Variants in PEX11A observed in about 807,000 individuals in gnomAD.
The protein encoded by PEX11A is peroxisomal biogenesis factor 11 alpha.
PEX11A carries 13 observed loss-of-function variants against 14.4 expected under a neutral mutation model. The ratio of observed to expected loss-of-function variants is 0.90; its 90% CI spans 0.59 to 1.43. The LOEUF (loss-of-function observed/expected upper bound fraction) is 1.43. Among genes scored for constraint, PEX11A ranks in the 40% most tolerant of loss-of-function variants. The pLI, the probability that PEX11A is intolerant of heterozygous loss-of-function variation, is 0.00. For missense variants in PEX11A, 290 were observed against 302.8 expected, an observed-to-expected ratio of 0.96 and a Z score of 0.31; for synonymous variants, 101 against 113.0, an observed-to-expected ratio of 0.89 and a Z score of 0.67.
intron 1 of PEX11A, among the ~76,000 whole-genome samples, chr15:89,686,788 A>G (rs981159466): frequency 1.3e-5 from 2 of 152,202 alleles, no homozygotes; most frequent in Admixed American, 6.5e-5. Flanking sequence ...AATGCAGCCA[A>G]TGTGCCTCCA....
Position 89,688,396 on chromosome 15 carries a change from T to C in PEX11A, c.57-1850A>G, listed in dbSNP as rs531161775. Among the ~76,000 whole-genome samples, 3 of 152,290 alleles carry C rather than the reference T, an allele frequency of 2.0e-5. No homozygotes were observed. In the East Asian group the frequency reaches 5.8e-4, roughly 29 times the overall value. On this transcript the variant is annotated intron_variant, in intron 1 of 2. Coordinates refer to ENST00000300056, the MANE Select transcript of PEX11A (RefSeq NM_003847.3). ...GGAATAAACATATCTTAAATTATTA[T>C]TATTATTATTTTTCGAGACAGAGTC... is the stretch of plus-strand genomic sequence containing the variant.
intron 1 of PEX11A, among the ~76,000 whole-genome samples, chr15:89,689,034 C>G (rs569176145): frequency 6.6e-6 from 1 of 152,050 alleles, no homozygotes; most frequent in Admixed American, 6.6e-5. Context: ...TTTTTTTAAC[C>G]AACTTCCTTG....
chr15:89,690,661 A>T lies in PEX11A; in HGVS notation c.-29T>A. On this transcript the variant is annotated 5_prime_UTR_variant, in exon 1 of 3. Transcript: ENST00000300056. ...TTCTAGCCCAAAGGCCACGAGTCGC[A>T]CGGGGCTCAGGCGTGGGTCCTCTGG... 2 of 1,541,052 alleles carry T rather than the reference A, an allele frequency of 1.3e-6. No homozygotes were observed. The highest frequency in any genetic ancestry group is 1.8e-6 in the Non-Finnish European group (2 of 1,138,348).
In PEX11A at chr15:89,690,669, C is replaced by A. The variant is rs1964820737; in HGVS notation, c.-37G>T. The A allele has an allele frequency of 1.3e-6, 2 of 1,510,230 alleles. No homozygotes were observed. Among genetic ancestry groups the A allele is most frequent in the African/African-American group, 1.4e-5 (1 of 72,212 alleles). 93.6% of individuals were successfully genotyped at this position (1,510,230 alleles called of 1,614,324 possible). A position where few individuals can be genotyped will look rare whatever the true frequency, so the allele number is the denominator to read the frequency against. ...CAAAGGCCACGAGTCGCACGGGGCT[C>A]AGGCGTGGGTCCTCTGGGGCCCGTC... On this transcript the variant is annotated 5_prime_UTR_variant, in exon 1 of 3. Coordinates refer to ENST00000300056, the MANE Select transcript of PEX11A (RefSeq NM_003847.3).
chr15:89,690,115 C>T (rs1467733621), intron 1 of PEX11A, among the ~76,000 whole-genome samples: 1 of 152,082 alleles, frequency 6.6e-6, no homozygotes, highest in Non-Finnish European at 1.5e-5. Context: ...CAGAGCGAGA[C>T]TCCGTCTCAA....
At chr15:89,684,394 C>A (rs1045438070) in intron 2 of PEX11A, among the ~76,000 whole-genome samples, 1 of 152,190 alleles carries the variant, frequency 6.6e-6, no homozygotes, top group Non-Finnish European at 1.5e-5. Flanking sequence ...CAGGCAAGGT[C>A]AATCATGAGT....
At chr15:89,685,005 CGTGGT>C (rs1567084729) in intron 2 of PEX11A, among the ~76,000 whole-genome samples, 1 of 151,826 alleles carries the variant, frequency 6.6e-6, no homozygotes, top group African/African-American at 2.4e-5. Context: ...GCCTGGCCAA[CGTGGT>C]GAAACCCCGT....
rs1567084129 is a variant in PEX11A, at chr15:89,683,679, G to GTT, written c.440_441dup (p.Arg148AsnfsTer42). ...TTCTTTGCCCTGTCACATGTAACTC[G>GTT]TTTCATCTGCAGGGAGATTTCATAC... is the stretch of plus-strand genomic sequence containing the variant. On this transcript the variant is annotated frameshift_variant, in exon 3 of 3. Transcript: ENST00000300056. LOFTEE classifies it high-confidence loss of function. 1 of 1,614,060 alleles carries GTT rather than the reference G, an allele frequency of 6.2e-7. No individual in the cohort carries two copies. Among genetic ancestry groups the GTT allele is most frequent in the Non-Finnish European group, 8.5e-7 (1 of 1,180,002 alleles).
At chr15:89,689,856 C>T (rs554872968) in intron 1 of PEX11A, among the ~76,000 whole-genome samples, 2 of 152,284 alleles carry the variant, frequency 1.3e-5, no homozygotes, top group South Asian at 2.1e-4. Flanking sequence ...TGAGACCGGG[C>T]GCGGTGGCTC....
intron 2 of PEX11A, among the ~76,000 whole-genome samples, chr15:89,684,268 T>C (rs1964645475): frequency 6.6e-6 from 1 of 152,150 alleles, no homozygotes; most frequent in South Asian, 2.1e-4. Flanking sequence ...AAGAGAAAGA[T>C]TTTACAGTAC....
intron 1 of PEX11A, among the ~76,000 whole-genome samples, chr15:89,688,494 G>A (rs1040730099): frequency 2.6e-5 from 4 of 151,998 alleles, no homozygotes; most frequent in African/African-American, 9.7e-5. Context: ...CCGGATTCAA[G>A]CGATTCTCCT....
intron 1 of PEX11A, 29 bp downstream of exon 1, chr15:89,690,548 G>A (rs1421991524): frequency 1.3e-6 from 2 of 1,537,962 alleles, no homozygotes; most frequent in East Asian, 2.5e-5. Context: ...GGGCGAGAAA[G>A]GGGCGGAGGC....
chr15:89,683,563 T>G lies in PEX11A; in HGVS notation c.558A>C (p.Arg186=), dbSNP rs376987243. Residue 186 remains arginine (R), a synonymous_variant, in exon 3 of 3, where the codon CGA becomes CGC. Transcript: ENST00000300056. The stretch of plus-strand genomic sequence containing the variant: ...GCAAGGGAGGATGCTGCTTCAGAGA[T>G]CGGAATAAAAGAAGTAGAAAGGATT... ...WLQSFLLLLF[R]SLKQHPPLLL... 2.2e-5 allele frequency: 36 copies of G among 1,614,046 alleles called. No individual in the cohort carries two copies. The highest frequency in any genetic ancestry group is 2.9e-5 in the Non-Finnish European group (34 of 1,180,038).
chr15:89,684,065 T>TTGCTC, intron 2 of PEX11A, 117 bp from the exon 3 acceptor site: 2 of 706,996 alleles, frequency 2.8e-6, no homozygotes, highest in Non-Finnish European at 4.8e-6. Flanking sequence ...AGACAGGGTC[T>TTGCTC]TGCTCTGTCA....
At chr15:89,689,408 G>T (rs1246480519) in intron 1 of PEX11A, among the ~76,000 whole-genome samples, 6 of 152,148 alleles carry the variant, frequency 3.9e-5, no homozygotes, top group African/African-American at 1.4e-4. Context: ...CATTATTGGG[G>T]CCATTCTAAT....
In PEX11A at chr15:89,683,241, C is replaced by T; in HGVS notation, c.*136G>A. On this transcript the variant is annotated 3_prime_UTR_variant, in exon 3 of 3. Transcript: ENST00000300056. ...CTCCGTTCTTGGCCTCATCTCTGCC[C>T]ACATCACAGGTTGTTAAATGCTCAC... The T allele has an allele frequency of 1.5e-6, 1 of 688,388 alleles. No homozygotes were observed. Among genetic ancestry groups the T allele is most frequent in the East Asian group, 2.5e-5 (1 of 40,346 alleles). The allele number at this position is 688,388 out of a possible 1,614,324, so 42.6% of individuals were successfully genotyped here.
chr15:89,681,652 A>T lies in PEX11A; in HGVS notation c.*1725T>A, dbSNP rs1398283580. The T allele has an allele frequency of 1.8e-6, 1 of 557,592 alleles. No homozygotes were observed. Among genetic ancestry groups the T allele is most frequent in the East Asian group, 2.9e-5 (1 of 34,994 alleles). 34.5% of individuals were successfully genotyped at this position (557,592 alleles called of 1,614,324 possible). On this transcript the variant is annotated 3_prime_UTR_variant, in exon 3 of 3. Coordinates refer to ENST00000300056, the MANE Select transcript of PEX11A (RefSeq NM_003847.3). The stretch of plus-strand genomic sequence containing the variant: ...CCTAGTAGCTTTCATGTCTCTTAAA[A>T]TTCCCTAAATTTTATTTCTCAAATC...
In PEX11A at chr15:89,682,663, TTTTG is replaced by T. The variant is rs1249896482; in HGVS notation, c.*710_*713del. The T allele has an allele frequency of 6.6e-6, 1 of 152,214 alleles. No homozygotes were observed. The highest frequency in any genetic ancestry group is 1.5e-5 in the Non-Finnish European group (1 of 68,046). The allele number at this position is 152,214 out of a possible 1,614,324, so 9.4% of individuals were successfully genotyped here. A position where few individuals can be genotyped will look rare whatever the true frequency, so the allele number is the denominator to read the frequency against. ...GAGGAATGAGGCTCTAGCCTCAGTTTTTTGTTTGTCTCACTGTCAGCTTCTTATC... is the reference window on the plus strand; with the variant it reads ...GAGGAATGAGGCTCTAGCCTCAGTTTTTTGTCTCACTGTCAGCTTCTTATC... On this transcript the variant is annotated 3_prime_UTR_variant, in exon 3 of 3. Coordinates refer to ENST00000300056, the MANE Select transcript of PEX11A (RefSeq NM_003847.3).
At position 89,683,904 on chromosome 15, in the gene PEX11A, G is replaced by A. The variant is rs778987614; in HGVS notation, c.217C>T (p.Gln73Ter). 4 of 1,613,894 alleles carry A rather than the reference G, an allele frequency of 2.5e-6. No individual in the cohort carries two copies. Among genetic ancestry groups the A allele is most frequent in the African/African-American group, 1.3e-5 (1 of 74,924 alleles). The change falls in exon 3 of 3, where the codon CAG (glutamine) becomes TAG (stop). Residue 73 changes from glutamine to a stop codon, truncating the protein, a stop_gained. Transcript: ENST00000300056. LOFTEE classifies it high-confidence loss of function. ...NVVHAIQATE[Q>*]SIHATDLVPR... ...ACCAGGTCAGTGGCATGAATGCTCT[G>A]CTCAGTTGCCTGTATAGCATGTACC... is the stretch of plus-strand genomic sequence containing the variant.
Sources: allele counts gnomAD v4.1 joint callset (sites outside exome capture counted in the v4.1 genomes callset), GRCh38; gene constraint gnomAD v4.1.1; transcripts MANE v1.5; gene names NCBI Gene and HGNC (gene_info 2026-07-23, HGNC 2026-07-21).